Variants in C8orf34 observed in about 807,000 individuals in gnomAD.
C8orf34 encodes the protein uncharacterized protein C8orf34.
A neutral mutation model predicts 68.3 loss-of-function variants in C8orf34; 65 were observed. That is an observed-to-expected ratio of 0.95 (90% CI 0.78 to 1.17). C8orf34 has a LOEUF of 1.17. Ranked by LOEUF, C8orf34 falls within the 50% of genes most tolerant of loss-of-function variation. The pLI is 0.00. For missense variants in C8orf34, 664 were observed against 655.4 expected (o/e 1.01, Z -0.14); for synonymous variants, 244 against 241.2 (o/e 1.01, Z -0.11).
rs544198496 is a variant in C8orf34, at chr8:68,769,755, C to T, written c.1405-6644C>T. Among the ~76,000 whole-genome samples, 13 of 152,158 alleles carry T rather than the reference C, an allele frequency of 8.5e-5. No individual in the cohort carries two copies. The East Asian group carries it at 2.5e-3, about 29-fold the overall frequency. ...TTCCTTCATTTATTTATTTTTCAGA[C>T]GTTTACTTTTTATCTATATTGCCAG... On this transcript the variant is annotated intron_variant, in intron 10 of 13. Coordinates refer to ENST00000518698, the MANE Select transcript of C8orf34 (RefSeq NM_052958.4).
At chr8:68,632,905 G>A (rs1818734073) in intron 7 of C8orf34, among the ~76,000 whole-genome samples, 3 of 152,184 alleles carry the variant, frequency 2.0e-5, no homozygotes, top group Admixed American at 2.0e-4. Flanking sequence ...ATGTCTGAAT[G>A]TCCAAGCAGA....
At position 68,815,365 on chromosome 8, in the gene C8orf34, T is replaced by TAC. The variant is rs1563685148; in HGVS notation, c.1550-517_1550-516dup. On this transcript the variant is annotated intron_variant, in intron 12 of 13. Coordinates refer to ENST00000518698, the MANE Select transcript of C8orf34 (RefSeq NM_052958.4). ...ATATGGGTACACACATATATATATA[T>TAC]ACACATATACACATACACAGACACA... is the stretch of plus-strand genomic sequence containing the variant. Among the ~76,000 whole-genome samples the TAC allele has an allele frequency of 3.3e-5, 5 of 152,166 alleles. No individual in the cohort carries two copies. The East Asian group carries it at 5.8e-4, about 18-fold the overall frequency.
At chr8:68,346,106 A>T (rs1806270721) in intron 1 of C8orf34, among the ~76,000 whole-genome samples, 1 of 152,174 alleles carries the variant, frequency 6.6e-6, no homozygotes, top group African/African-American at 2.4e-5. Context: ...ATTTATTTCA[A>T]TATGTATGTA....
chr8:68,557,723 T>A (rs1816297801), intron 7 of C8orf34, among the ~76,000 whole-genome samples: 1 of 152,180 alleles, frequency 6.6e-6, no homozygotes, highest in Non-Finnish European at 1.5e-5. Flanking sequence ...CAAAGAGTAG[T>A]TGAGATGTTT....
At chr8:68,508,766 G>C (rs977887646) in intron 5 of C8orf34, among the ~76,000 whole-genome samples, 1 of 152,098 alleles carries the variant, frequency 6.6e-6, no homozygotes, top group Non-Finnish European at 1.5e-5. Flanking sequence ...AAATGCAAGA[G>C]AGCAAGTCAA....
At chr8:68,451,462 A>C (rs1329798977) in intron 3 of C8orf34, among the ~76,000 whole-genome samples, 1 of 152,102 alleles carries the variant, frequency 6.6e-6, no homozygotes, top group Non-Finnish European at 1.5e-5. Flanking sequence ...AATCATTTCT[A>C]TCTTTTGCAG....
chr8:68,637,963 C>T (rs1434930), intron 7 of C8orf34, among the ~76,000 whole-genome samples: 22,932 of 151,860 alleles, frequency 0.15, 1,763 homozygotes, highest in Admixed American at 0.22. Flanking sequence ...TGCTCTGATC[C>T]GAAATTTTAA....
Position 68,331,090 on chromosome 8 carries a change from G to T in C8orf34, c.78G>T (p.Ala26=). The T allele has an allele frequency of 6.7e-7, 1 of 1,489,944 alleles. No individual in the cohort carries two copies. 92.3% of individuals were successfully genotyped at this position (1,489,944 alleles called of 1,614,324 possible). The change falls in exon 1 of 14, where the codon GCG becomes GCT. Residue 26 remains alanine (A), a synonymous_variant. Transcript: ENST00000518698. ...RPGFRLSAPH[A]RVAPRAATHA... ...GCTTCCGGCTCTCAGCGCCCCACGC[G>T]CGCGTGGCTCCCCGGGCTGCCACCC...
rs544688130 is a variant in C8orf34 at position 68,790,834 on chromosome 8, C to A, written c.1549+3298C>A. 3 of 701,352 alleles carry A rather than the reference C, an allele frequency of 4.3e-6. No homozygotes were observed. In the African/African-American group the frequency reaches 5.3e-5, roughly 12 times the overall value. The allele number at this position is 701,352 out of a possible 1,614,324, so 43.4% of individuals were successfully genotyped here. On this transcript the variant is annotated intron_variant, in intron 12 of 13. Coordinates refer to ENST00000518698, the MANE Select transcript of C8orf34 (RefSeq NM_052958.4). ...TTTCAGACCTACTAAATCAGAATCT[C>A]TGTGGCTGGGACTCTGAATTCTGCA...
chr8:68,771,636 A>T (rs929958267), intron 10 of C8orf34, among the ~76,000 whole-genome samples: 1 of 152,104 alleles, frequency 6.6e-6, no homozygotes, highest in Admixed American at 6.6e-5. Context: ...CGGACTAATG[A>T]CTAAGATTTC....
chr8:68,476,759 G>T (rs1812637330), intron 4 of C8orf34, among the ~76,000 whole-genome samples: 1 of 152,048 alleles, frequency 6.6e-6, no homozygotes. Flanking sequence ...TTCACTTTGG[G>T]GTGTGGTTTT....
chr8:68,489,722 C>CA (rs1335452934), intron 5 of C8orf34, among the ~76,000 whole-genome samples: 3 of 151,860 alleles, frequency 2.0e-5, no homozygotes, highest in Admixed American at 1.3e-4. Flanking sequence ...TCAACCTCTA[C>CA]AAAAAATGGT....
intron 8 of C8orf34, among the ~76,000 whole-genome samples, chr8:68,675,681 ACACAAAATACC>A (rs1820165214): frequency 6.6e-6 from 1 of 152,190 alleles, no homozygotes; most frequent in South Asian, 2.1e-4. Flanking sequence ...AGAAAGAAAC[ACACAAAATACC>A]CACAAAATAA....
At chr8:68,608,926 G>T (rs927227499) in intron 7 of C8orf34, among the ~76,000 whole-genome samples, 1 of 152,092 alleles carries the variant, frequency 6.6e-6, no homozygotes, top group African/African-American at 2.4e-5. Flanking sequence ...CCAGCATTTT[G>T]GGGGGCCAAG....
chr8:68,766,226 GT>G (rs1305438286), intron 10 of C8orf34, among the ~76,000 whole-genome samples: 1 of 152,028 alleles, frequency 6.6e-6, no homozygotes, highest in Non-Finnish European at 1.5e-5. Flanking sequence ...TTGGGTATCA[GT>G]TTTTTTTCCA....
At chr8:68,625,355 G>T in intron 7 of C8orf34, 1 of 432,572 alleles carries the variant, frequency 2.3e-6, no homozygotes, top group Non-Finnish European at 4.1e-6. Context: ...TCACTTTTAG[G>T]AAATTCAAAA....
At chr8:68,500,116 T>A (rs892882287) in intron 5 of C8orf34, among the ~76,000 whole-genome samples, 1 of 152,234 alleles carries the variant, frequency 6.6e-6, no homozygotes, top group Non-Finnish European at 1.5e-5. Context: ...ATGGTTCCTA[T>A]GCAGCCTGCA....
chr8:68,560,798 G>C (rs1022902281), intron 7 of C8orf34, among the ~76,000 whole-genome samples: 2 of 152,096 alleles, frequency 1.3e-5, no homozygotes, highest in African/African-American at 4.8e-5. Context: ...CTCTGGGTGA[G>C]TCAAGTGAGT....
At chr8:68,545,404 CTT>C in intron 7 of C8orf34, among the ~76,000 whole-genome samples, 1 of 152,068 alleles carries the variant, frequency 6.6e-6, no homozygotes, top group South Asian at 2.1e-4. Flanking sequence ...ACAGGTGTGT[CTT>C]TATTAGCAGC....
Sources: allele counts gnomAD v4.1 joint callset (sites outside exome capture counted in the v4.1 genomes callset), GRCh38; gene constraint gnomAD v4.1.1; transcripts MANE v1.5; gene names NCBI Gene and HGNC (gene_info 2026-07-23, HGNC 2026-07-21).